Variants in SGCD observed in about 807,000 individuals in gnomAD.
SGCD encodes delta-sarcoglycan.
In SGCD, 18 loss-of-function variants were observed where a neutral mutation model predicts 36.6. The observed-to-expected ratio is 0.49, with a 90% CI of 0.34 to 0.73. The LOEUF (loss-of-function observed/expected upper bound fraction) is 0.73, where lower values mean the gene tolerates loss of function less well. SGCD is among the 30% of genes least tolerant of loss of function. The pLI, the probability that SGCD is intolerant of heterozygous loss-of-function variation, is 0.01. For synonymous variants in SGCD, 133 were observed against 130.6 expected, an observed-to-expected ratio of 1.02 and a Z score of -0.12; for missense variants, 387 against 346.7, an observed-to-expected ratio of 1.12 and a Z score of -0.92.
chr5:156,495,943 G>T (rs1404331333), intron 3 of SGCD, among the ~76,000 whole-genome samples: 1 of 152,108 alleles, frequency 6.6e-6, no homozygotes, highest in Non-Finnish European at 1.5e-5. Context: ...GCTGGCATTG[G>T]TTTTTATCCC....
intron 4 of SGCD, among the ~76,000 whole-genome samples, chr5:156,576,895 C>A (rs184178791): frequency 6.6e-6 from 1 of 152,048 alleles, no homozygotes; most frequent in African/African-American, 2.4e-5. Flanking sequence ...TACTTTCTTT[C>A]GCTGTGCAGA....
chr5:156,466,435 T>C (rs1252462222), intron 3 of SGCD, among the ~76,000 whole-genome samples: 3 of 152,214 alleles, frequency 2.0e-5, no homozygotes, highest in Non-Finnish European at 4.4e-5. Context: ...TTGGTCCTCA[T>C]GTCTTAATGA....
chr5:155,737,403 C>A, the SGCD span, among the ~76,000 whole-genome samples: 1 of 152,150 alleles, frequency 6.6e-6, no homozygotes, highest in Non-Finnish European at 1.5e-5. Context: ...AATATATTCA[C>A]CCATATCATT....
intron 1 of SGCD, among the ~76,000 whole-genome samples, chr5:156,104,224 A>T (rs1006764696): frequency 2.0e-5 from 3 of 152,274 alleles, no homozygotes; most frequent in South Asian, 2.1e-4. Flanking sequence ...CTAAATTGTA[A>T]TCTTCATATA....
chr5:156,462,678 G>T (rs893226862), intron 3 of SGCD, among the ~76,000 whole-genome samples: 1 of 152,104 alleles, frequency 6.6e-6, no homozygotes, highest in Non-Finnish European at 1.5e-5. Flanking sequence ...TAAAACACAA[G>T]TGTTTAGAAT....
chr5:155,937,089 G>A (rs561931189), intron 1 of SGCD, among the ~76,000 whole-genome samples: 1 of 152,348 alleles, frequency 6.6e-6, no homozygotes, highest in Admixed American at 6.5e-5. Flanking sequence ...CCGCAAGTCT[G>A]CAGAGATACC....
At chr5:156,680,842 T>C (rs1753691449) in intron 7 of SGCD, among the ~76,000 whole-genome samples, 1 of 152,164 alleles carries the variant, frequency 6.6e-6, no homozygotes, top group Non-Finnish European at 1.5e-5. Flanking sequence ...ACATGCATAA[T>C]GCTGAGACAG....
chr5:156,383,699 A>T (rs956427145), intron 3 of SGCD, among the ~76,000 whole-genome samples: 5 of 152,134 alleles, frequency 3.3e-5, no homozygotes, highest in Admixed American at 3.3e-4. Flanking sequence ...ATAATGGAGA[A>T]CATACATGGG....
chr5:156,746,896 C>T (rs1756960523), intron 7 of SGCD, among the ~76,000 whole-genome samples: 1 of 149,762 alleles, frequency 6.7e-6, no homozygotes, highest in African/African-American at 2.5e-5. Flanking sequence ...TTTTAAGCTA[C>T]TCATTAAGAG....
chr5:156,044,918 A>G (rs1434264039), intron 1 of SGCD, among the ~76,000 whole-genome samples: 1 of 152,120 alleles, frequency 6.6e-6, no homozygotes, highest in African/African-American at 2.4e-5. Flanking sequence ...GTTTTCTGCT[A>G]CTATAACAGA....
intron 3 of SGCD, among the ~76,000 whole-genome samples, chr5:156,258,901 TA>T (rs1765780156): frequency 6.6e-6 from 1 of 151,838 alleles, no homozygotes; most frequent in Admixed American, 6.6e-5. Flanking sequence ...CTTAAGAGAG[TA>T]AAGGGGTTCT....
chr5:155,949,098 G>T (rs1185714025), intron 1 of SGCD, among the ~76,000 whole-genome samples: 1 of 152,112 alleles, frequency 6.6e-6, no homozygotes, highest in Non-Finnish European at 1.5e-5. Context: ...CCTAAATACT[G>T]ATTGCTGCAT....
At chr5:156,607,124 A>G (rs1003002788) in intron 6 of SGCD, among the ~76,000 whole-genome samples, 6 of 152,170 alleles carry the variant, frequency 3.9e-5, no homozygotes, top group African/African-American at 1.4e-4. Context: ...GTCTTGTGCC[A>G]GTTTTCAAAG....
intron 1 of SGCD, among the ~76,000 whole-genome samples, chr5:156,113,437 C>T (rs1203387062): frequency 2.6e-5 from 4 of 152,078 alleles, no homozygotes; most frequent in Non-Finnish European, 5.9e-5. Flanking sequence ...TTCCTGACCT[C>T]AGAGATCTTA....
intron 3 of SGCD, among the ~76,000 whole-genome samples, chr5:156,504,586 T>C (rs1237425987): frequency 6.6e-6 from 1 of 152,092 alleles, no homozygotes; most frequent in Non-Finnish European, 1.5e-5. Context: ...GTTCAATTAT[T>C]GTAACATGCA....
chr5:155,774,865 A>G, the SGCD span, among the ~76,000 whole-genome samples: 3 of 152,136 alleles, frequency 2.0e-5, no homozygotes, highest in Non-Finnish European at 2.9e-5. Flanking sequence ...GCCACTATTC[A>G]GCTTTCCACA....
chr5:156,751,076 A>G (rs1757133648), intron 7 of SGCD, among the ~76,000 whole-genome samples: 1 of 152,224 alleles, frequency 6.6e-6, no homozygotes, highest in Non-Finnish European at 1.5e-5. Context: ...AACAAGAATA[A>G]GGTAAGAGGA....
chr5:156,286,529 A>G (rs541261096), intron 3 of SGCD, among the ~76,000 whole-genome samples: 1 of 152,360 alleles, frequency 6.6e-6, no homozygotes, highest in South Asian at 2.1e-4. Context: ...TTGTAGGGAC[A>G]TGGATGAAAC....
At chr5:156,394,050 C>A (rs1246836725) in intron 3 of SGCD, among the ~76,000 whole-genome samples, 2 of 152,172 alleles carry the variant, frequency 1.3e-5, no homozygotes, top group East Asian at 3.8e-4. Context: ...AAGTAAGTCT[C>A]ATATTGGACA....
Sources: allele counts gnomAD v4.1 joint callset (sites outside exome capture counted in the v4.1 genomes callset), GRCh38; gene constraint gnomAD v4.1.1; transcripts MANE v1.5; gene names NCBI Gene and HGNC (gene_info 2026-07-23, HGNC 2026-07-21).